MECR: variants seen among roughly 807,000 people sequenced by gnomAD.
The protein encoded by MECR is mitochondrial trans-2-enoyl-CoA reductase.
Under a neutral mutation model 49.1 loss-of-function variants are expected in MECR, and 37 were observed. That is an observed-to-expected ratio of 0.75 (90% confidence interval 0.58 to 0.99). MECR has a LOEUF of 0.99. MECR is among the 50% of genes least tolerant of loss of function. The pLI is 0.00. For missense variants in MECR, 470 were observed against 479.6 expected, an observed-to-expected ratio of 0.98 and a Z score of 0.19; for synonymous variants, 198 against 191.1, an observed-to-expected ratio of 1.04 and a Z score of -0.30.
intron 1 of MECR, chr1:29,230,363 T>C (rs1376668373): frequency 8.6e-6 from 2 of 232,722 alleles, no homozygotes; most frequent in Non-Finnish European, 1.7e-5. Flanking sequence ...ACTGGCTGTG[T>C]GACCTTGGAC....
downstream of MECR, among the ~76,000 whole-genome samples, chr1:29,189,590 G>C (rs1673085045): frequency 6.6e-6 from 1 of 152,172 alleles, no homozygotes; most frequent in Non-Finnish European, 1.5e-5. Flanking sequence ...TTCTCTTTTG[G>C]CACTGTTTCC....
Position 29,216,014 on chromosome 1 carries a change from C to T in MECR, c.397G>A (p.Ala133Thr), listed in dbSNP as rs1359472628. The change falls in exon 3 of 10, where the codon GCT becomes ACT. Residue 133 changes from alanine to threonine, a missense_variant. By Grantham distance (58) the Ala-to-Thr change is moderately conservative. Transcript: ENST00000263702. The part of the protein sequence containing the change: ...KPGDWVIPAN[A>T]GLGTWRTEAV... ...ACCTGGAGAAACTCACCTAAACCAG[C>T]ATTTGCTGGAATCACCCAGTCTCCT... 6.2e-7 allele frequency: 1 copy of T among 1,614,074 alleles called. No homozygotes were observed. Among genetic ancestry groups the T allele is most frequent in the Admixed American group, 1.7e-5 (1 of 60,028 alleles).
At chr1:29,207,042 G>T in intron 3 of MECR, 137 bp from the exon 4 acceptor site, 1 of 898,886 alleles carries the variant, frequency 1.1e-6, no homozygotes, top group Non-Finnish European at 1.7e-6. Flanking sequence ...CATCCAGGAT[G>T]TTTAGAAAAA....
chr1:29,214,270 A>G (rs1397549214), intron 3 of MECR, among the ~76,000 whole-genome samples: 1 of 151,962 alleles, frequency 6.6e-6, no homozygotes. Flanking sequence ...CATGTTGGCC[A>G]GGCTGGTCTC....
chr1:29,199,060 T>A (rs1674693399), intron 7 of MECR, among the ~76,000 whole-genome samples: 1 of 152,236 alleles, frequency 6.6e-6, no homozygotes, highest in Admixed American at 6.5e-5. Flanking sequence ...GTGACTCACC[T>A]GCTCATCAAG....
intron 1 of MECR, among the ~76,000 whole-genome samples, chr1:29,229,965 C>G (rs1325379333): frequency 6.6e-6 from 1 of 152,188 alleles, no homozygotes; most frequent in African/African-American, 2.4e-5. Flanking sequence ...ATAAAAGTAA[C>G]GAGAAGTTGA....
Position 29,201,589 on chromosome 1 carries a change from T to C in MECR, c.756+354A>G, listed in dbSNP as rs575432125. 231 of 458,670 alleles carry C rather than the reference T, an allele frequency of 5.0e-4. 2 individuals are homozygous for C. The highest frequency in any genetic ancestry group is 4.1e-3 in the South Asian group (224 of 53,984). 28.4% of individuals were successfully genotyped at this position (458,670 alleles called of 1,614,324 possible). ...ATCAGATAAAATGTAAGGCAGGTGG[T>C]TGGGAAAGGTTACTTCTTTTCTTTC... On this transcript the variant is annotated intron_variant, in intron 6 of 9. Transcript: ENST00000263702. This position sits in a 1 kb window ranked among gnomAD's most constrained non-coding sequence, Gnocchi z 4.3.
At chr1:29,181,218 G>A in the MECR span, among the ~76,000 whole-genome samples, 2 of 152,206 alleles carry the variant, frequency 1.3e-5, no homozygotes, top group African/African-American at 4.8e-5. Context: ...CCATGAGACC[G>A]GGCAAGAGGT....
Position 29,201,299 on chromosome 1 carries a change from C to T in MECR, c.756+644G>A, listed in dbSNP as rs187694148. 9 of 481,364 alleles carry T rather than the reference C, an allele frequency of 1.9e-5. No homozygotes were observed. The highest frequency in any genetic ancestry group is 4.8e-5 in the South Asian group (3 of 63,148). 29.8% of individuals were successfully genotyped at this position (481,364 alleles called of 1,614,324 possible). A position where few individuals can be genotyped will look rare whatever the true frequency, so the allele number is the denominator to read the frequency against. ...CTGCTTCAGAAATGTTCGCAAGAAG[C>T]GCATGCTCTTGAGTGTGTGTCTTTG... On this transcript the variant is annotated intron_variant, in intron 6 of 9. Transcript: ENST00000263702. The surrounding 1 kb of genome is among the most constrained non-coding windows in gnomAD (Gnocchi z 4.3).
chr1:29,182,171 A>G, the MECR span, among the ~76,000 whole-genome samples: 2 of 152,084 alleles, frequency 1.3e-5, no homozygotes, highest in Non-Finnish European at 2.9e-5. Flanking sequence ...CCAGCGAGCG[A>G]GCGTTTGTGC....
intron 7 of MECR, 129 bp downstream of exon 7, chr1:29,200,387 T>C: frequency 2.5e-6 from 2 of 789,352 alleles, no homozygotes; most frequent in Non-Finnish European, 3.9e-6. Context: ...TTGGTCCTAG[T>C]TTCCACTCAA....
chr1:29,181,863 C>G, the MECR span: 2 of 851,402 alleles, frequency 2.3e-6, no homozygotes, highest in Admixed American at 4.4e-5. Context: ...GGCGGCGGGA[C>G]GGACGCAGCC....
chr1:29,198,264 C>T (rs969110168), intron 7 of MECR, among the ~76,000 whole-genome samples: 7 of 152,208 alleles, frequency 4.6e-5, no homozygotes, highest in African/African-American at 1.7e-4. Context: ...TGGTCTGCGG[C>T]CTGGGGGCTG....
At chr1:29,220,021 GA>G (rs1680374738) in intron 1 of MECR, among the ~76,000 whole-genome samples, 1 of 152,106 alleles carries the variant, frequency 6.6e-6, no homozygotes, top group Admixed American at 6.6e-5. Flanking sequence ...AGAGGGCAGA[GA>G]AGTTTTAGTC....
At chr1:29,230,033 T>C (rs905128129) in intron 1 of MECR, among the ~76,000 whole-genome samples, 7 of 152,212 alleles carry the variant, frequency 4.6e-5, no homozygotes, top group African/African-American at 1.7e-4. Context: ...TGACCAAATA[T>C]AGATACTTGG....
the MECR span, chr1:29,181,774 T>TGGCCCC: frequency 1.7e-5 from 26 of 1,558,596 alleles, no homozygotes; most frequent in East Asian, 1.8e-4. Flanking sequence ...CAGTGATGGC[T>TGGCCCC]GGCCCCGGCC....
chr1:29,200,701 T>C (rs1675108394), intron 6 of MECR, 112 bp from the exon 7 acceptor site: 2 of 840,038 alleles, frequency 2.4e-6, no homozygotes, highest in Admixed American at 2.1e-5. Flanking sequence ...TTTATGCCTT[T>C]GTTTGCGTGC....
downstream of MECR, among the ~76,000 whole-genome samples, chr1:29,188,822 T>C (rs554736367): frequency 2.0e-5 from 3 of 152,056 alleles, no homozygotes; most frequent in East Asian, 1.9e-4. Flanking sequence ...GCATTTTTAA[T>C]AGAGATGGGG....
chr1:29,219,835 T>C (rs1680331780), intron 1 of MECR, among the ~76,000 whole-genome samples: 1 of 152,152 alleles, frequency 6.6e-6, no homozygotes, highest in Non-Finnish European at 1.5e-5. Context: ...TCAAATGAGT[T>C]ATAGAAAAAA....
Sources: allele counts gnomAD v4.1 joint callset (sites outside exome capture counted in the v4.1 genomes callset), GRCh38; gene constraint gnomAD v4.1.1; non-coding constraint Gnocchi (gnomAD v3.1); transcripts MANE v1.5; gene names NCBI Gene and HGNC (gene_info 2026-07-23, HGNC 2026-07-21).